Variants in BTRC observed in about 807,000 individuals in gnomAD.
BTRC encodes the protein beta-transducin repeat containing E3 ubiquitin protein ligase, also known as F-box/WD repeat-containing protein 1A.
Under a neutral mutation model 85.5 loss-of-function variants are expected in BTRC, and 42 were observed. The observed-to-expected ratio is 0.49, with a 90% CI of 0.38 to 0.64. The LOEUF (loss-of-function observed/expected upper bound fraction) is 0.64. Ranked by LOEUF, BTRC falls within the 30% of genes least tolerant of loss-of-function variation. The pLI is 0.00. For missense variants in BTRC, 594 were observed against 743.5 expected (o/e 0.80, Z 2.34); for synonymous variants, 255 against 263.3 (o/e 0.97, Z 0.30).
intron 2 of BTRC, among the ~76,000 whole-genome samples, chr10:101,454,441 G>C (rs1945024692): frequency 6.6e-6 from 1 of 152,150 alleles, no homozygotes; most frequent in Non-Finnish European, 1.5e-5. Flanking sequence ...GAATAGATGA[G>C]ATAATCTTGT....
At chr10:101,411,048 T>C (rs1943764613) in intron 1 of BTRC, among the ~76,000 whole-genome samples, 1 of 148,858 alleles carries the variant, frequency 6.7e-6, no homozygotes, top group Non-Finnish European at 1.5e-5. Flanking sequence ...CAGGCTAAAG[T>C]GCACTGGGGC....
chr10:101,354,058 G>A (rs1172780330), upstream of BTRC: 2 of 1,181,386 alleles, frequency 1.7e-6, no homozygotes, highest in Non-Finnish European at 2.4e-6. Flanking sequence ...CTCAGCCTGC[G>A]CCTGAGAGGT....
At chr10:101,483,453 C>T (rs1342463296) in intron 4 of BTRC, among the ~76,000 whole-genome samples, 6 of 152,196 alleles carry the variant, frequency 3.9e-5, no homozygotes, top group East Asian at 1.9e-4. Context: ...ATTAGCTGGG[C>T]GTGGTGGCAC....
chr10:101,400,392 T>G (rs1327939321), intron 1 of BTRC, among the ~76,000 whole-genome samples: 1 of 150,880 alleles, frequency 6.6e-6, no homozygotes, highest in Non-Finnish European at 1.5e-5. Flanking sequence ...GAAACTTGGT[T>G]TGCAGTCATT....
At chr10:101,374,315 G>A (rs1942725993) in intron 1 of BTRC, among the ~76,000 whole-genome samples, 1 of 152,106 alleles carries the variant, frequency 6.6e-6, no homozygotes, top group East Asian at 1.9e-4. Flanking sequence ...GATGGCCAGT[G>A]ATGATGAGCA....
At chr10:101,404,030 AT>A (rs1160307747) in intron 1 of BTRC, among the ~76,000 whole-genome samples, 13 of 25,436 alleles carry the variant, frequency 5.1e-4, no homozygotes, top group African/African-American at 2.1e-3. Flanking sequence ...ATATATATAT[AT>A]TTTTTTTTTT....
intron 1 of BTRC, among the ~76,000 whole-genome samples, chr10:101,426,737 T>A (rs1469621694): frequency 6.6e-6 from 1 of 152,138 alleles, no homozygotes; most frequent in East Asian, 1.9e-4. Context: ...TTCACAAAAA[T>A]AAATATGTAT....
chr10:101,361,129 C>T lies in BTRC; in HGVS notation c.48+6901C>T, dbSNP rs563479429. On this transcript the variant is annotated intron_variant, in intron 1 of 14. Coordinates refer to ENST00000370187, the MANE Select transcript of BTRC (RefSeq NM_033637.4). ...CTTTAGCAATTTTTTTTTTTTGAGACGGAGTCTCGCTCTATTGCCCAAGCT... is the reference window on the plus strand; with the variant it reads ...CTTTAGCAATTTTTTTTTTTTGAGATGGAGTCTCGCTCTATTGCCCAAGCT... Among the ~76,000 whole-genome samples, 8 of 151,596 alleles carry T rather than the reference C, an allele frequency of 5.3e-5. No homozygotes were observed. The South Asian group carries it at 1.0e-3, about 20-fold the overall frequency.
At chr10:101,410,941 T>TA (rs913159265) in intron 1 of BTRC, among the ~76,000 whole-genome samples, 6 of 151,968 alleles carry the variant, frequency 3.9e-5, no homozygotes, top group African/African-American at 7.2e-5. Context: ...GCTTACTTTT[T>TA]AAAAAAATTT....
chr10:101,363,785 A>G (rs756274757), intron 1 of BTRC, among the ~76,000 whole-genome samples: 5 of 152,224 alleles, frequency 3.3e-5, no homozygotes, highest in Non-Finnish European at 4.4e-5. Flanking sequence ...TCTCTGAGGT[A>G]GGCAGTCAAG....
Position 101,531,254 on chromosome 10 carries a change from A to C in BTRC, c.761A>C (p.Lys254Thr). Residue 254 changes from lysine to threonine, a missense_variant, in exon 7 of 15, where the codon AAA (lysine) becomes ACA (threonine). Coordinates refer to ENST00000370187, the MANE Select transcript of BTRC (RefSeq NM_033637.4). Reference protein sequence around the residue: ...ERRGWGQYLFKNKPPDGNAPP... With the variant: ...ERRGWGQYLFTNKPPDGNAPP... ...TTTTTTAGGGGACAGTATTTATTCA[A>C]AAACAAACCTCCTGACGGGAATGCT... The C allele has an allele frequency of 1.9e-6, 3 of 1,607,232 alleles. 1 individual carries two copies. Among genetic ancestry groups the C allele is most frequent in the South Asian group, 2.2e-5 (2 of 90,776 alleles).
At chr10:101,488,824 C>T (rs537440715) in intron 4 of BTRC, among the ~76,000 whole-genome samples, 98 of 152,064 alleles carry the variant, frequency 6.4e-4, no homozygotes, top group Non-Finnish European at 1.0e-3. Flanking sequence ...CACCTGGGTA[C>T]AGAATTGGTA....
chr10:101,525,805 A>C (rs1179435311), intron 5 of BTRC, among the ~76,000 whole-genome samples: 3 of 152,108 alleles, frequency 2.0e-5, no homozygotes, highest in Admixed American at 1.3e-4. Context: ...GGAAGATGGA[A>C]AATACTGTTC....
intron 4 of BTRC, among the ~76,000 whole-genome samples, chr10:101,505,155 A>G (rs1473545507): frequency 9.6e-6 from 1 of 104,390 alleles, no homozygotes; most frequent in Admixed American, 1.1e-4. Flanking sequence ...ATATATGTAT[A>G]TGTATATATA....
intron 2 of BTRC, among the ~76,000 whole-genome samples, chr10:101,435,932 T>C (rs903841151): frequency 2.6e-5 from 4 of 152,160 alleles, no homozygotes; most frequent in Admixed American, 2.6e-4. Context: ...AAAATTCTTA[T>C]GGCAATAAAG....
chr10:101,427,484 G>A (rs934002094), intron 1 of BTRC, among the ~76,000 whole-genome samples: 26 of 140,306 alleles, frequency 1.9e-4, no homozygotes, highest in African/African-American at 5.8e-4. Flanking sequence ...TTTTTGAGAC[G>A]GGTCCCTTCC....
chr10:101,520,727 G>T (rs1244884851), intron 4 of BTRC, among the ~76,000 whole-genome samples: 3 of 152,192 alleles, frequency 2.0e-5, no homozygotes, highest in Non-Finnish European at 1.5e-5. Context: ...GGAGGCTGAA[G>T]TGGGCAGATC....
At chr10:101,494,210 G>A (rs1946204858) in intron 4 of BTRC, among the ~76,000 whole-genome samples, 1 of 152,250 alleles carries the variant, frequency 6.6e-6, no homozygotes, top group Admixed American at 6.5e-5. Flanking sequence ...CCAAACTAAG[G>A]TGGTAAATTG....
chr10:101,419,203 G>GT (rs1589443986), intron 1 of BTRC, among the ~76,000 whole-genome samples: 1 of 151,898 alleles, frequency 6.6e-6, no homozygotes, highest in Non-Finnish European at 1.5e-5. Context: ...TAGAGACAGG[G>GT]TTTCACCATG....
Sources: gnomAD v4.1 joint callset for allele counts (sites outside exome capture counted in the v4.1 genomes callset) on GRCh38, gnomAD v4.1.1 for gene constraint, MANE v1.5 for transcripts, NCBI Gene and HGNC (gene_info 2026-07-23, HGNC 2026-07-21) for gene names.